The following CYP4V2 variants were observed in gnomAD, a reference collection of about 807,000 sequenced individuals.
The protein encoded by CYP4V2 is cytochrome P450 4V2.
CYP4V2 carries 55 observed loss-of-function variants against 60.8 expected under a neutral mutation model. The observed-to-expected ratio is 0.90, with a 90% CI of 0.73 to 1.13. CYP4V2 has a LOEUF of 1.13. CYP4V2 is among the 50% of genes most tolerant of loss of function. CYP4V2 has a pLI of 0.00. For missense variants in CYP4V2, 675 were observed against 662.9 expected (o/e 1.02, Z -0.20); for synonymous variants, 239 against 236.8 (o/e 1.01, Z -0.08).
In CYP4V2 at chr4:186,197,016, GATATC is replaced by G; in HGVS notation, c.493_497del (p.Ile165GlufsTer2). 6.2e-7 allele frequency: 1 copy of G among 1,613,820 alleles called. No individual in the cohort carries two copies. The highest frequency in any genetic ancestry group is 8.5e-7 in the Non-Finnish European group (1 of 1,180,026). ...TTTTACCATTCTGGAAGATTTCTTA[GATATC>G]ATGAATGAACAAGCAAATATATTGG... On this transcript the variant is annotated frameshift_variant, in exon 4 of 11. Coordinates refer to ENST00000378802, the MANE Select transcript of CYP4V2 (RefSeq NM_207352.4). LOFTEE classifies it high-confidence loss of function.
intron 2 of CYP4V2, 30 bp downstream of exon 2, chr4:186,194,642 T>C (rs763283418): frequency 9.6e-6 from 15 of 1,556,664 alleles, no homozygotes; most frequent in Middle Eastern, 1.7e-4. Context: ...ATCAGTATTG[T>C]ACTGTGTATC....
chr4:186,191,778 G>A lies in CYP4V2; in HGVS notation c.-46G>A, dbSNP rs750903480. On this transcript the variant is annotated 5_prime_UTR_variant, in exon 1 of 11. Coordinates refer to ENST00000378802, the MANE Select transcript of CYP4V2 (RefSeq NM_207352.4). Reference sequence around the variant, plus strand: ...CACCGCCTCGCACCACGCCCCCGCGGGCCCGCACTTTCCCGGAGTGCACCC... The same window carrying A: ...CACCGCCTCGCACCACGCCCCCGCGAGCCCGCACTTTCCCGGAGTGCACCC... The A allele has an allele frequency of 2.6e-5, 38 of 1,449,752 alleles. No homozygotes were observed. The highest frequency in any genetic ancestry group is 3.3e-5 in the Non-Finnish European group (36 of 1,106,512). The allele number at this position is 1,449,752 out of a possible 1,614,324, so 89.8% of individuals were successfully genotyped here. A position where few individuals can be genotyped will look rare whatever the true frequency, so the allele number is the denominator to read the frequency against.
In CYP4V2 at chr4:186,191,829, G is replaced by C; in HGVS notation, c.6G>C (p.Ala2=). ...CGCGGCCGCCAGCCGGGGCGATGGCGGGGCTCTGGCTGGGGCTCGTGTGGC... is the reference window on the plus strand; with the variant it reads ...CGCGGCCGCCAGCCGGGGCGATGGCCGGGCTCTGGCTGGGGCTCGTGTGGC... M[A]GLWLGLVWQK... The change falls in exon 1 of 11, where the codon GCG becomes GCC. Residue 2 remains alanine, a synonymous_variant. Coordinates refer to ENST00000378802, the MANE Select transcript of CYP4V2 (RefSeq NM_207352.4). 1 of 1,562,766 alleles carries C rather than the reference G, an allele frequency of 6.4e-7. No individual in the cohort carries two copies. The highest frequency in any genetic ancestry group is 8.6e-7 in the Non-Finnish European group (1 of 1,160,672).
chr4:186,208,343 C>G (rs1014037858), intron 8 of CYP4V2, among the ~76,000 whole-genome samples: 1 of 151,662 alleles, frequency 6.6e-6, no homozygotes, highest in Non-Finnish European at 1.5e-5. Context: ...TACCTTGATC[C>G]ACGTGTTCTT....
At chr4:186,208,838 G>T (rs761463976) in intron 8 of CYP4V2, 27 bp from the exon 9 acceptor site, 4 of 1,614,020 alleles carry the variant, frequency 2.5e-6, no homozygotes, top group Non-Finnish European at 3.4e-6. Context: ...GCTCTTTCAG[G>T]TCATCTTATC....
In CYP4V2 at chr4:186,213,147, A is replaced by G. The variant is rs780547431; in HGVS notation, c.*2506A>G. 1 of 152,182 alleles carries G rather than the reference A, an allele frequency of 6.6e-6. No individual in the cohort carries two copies. Among genetic ancestry groups the G allele is most frequent in the Non-Finnish European group, 1.5e-5 (1 of 68,032 alleles). The allele number at this position is 152,182 out of a possible 1,614,324, so 9.4% of individuals were successfully genotyped here. On this transcript the variant is annotated 3_prime_UTR_variant, in exon 11 of 11. Coordinates refer to ENST00000378802, the MANE Select transcript of CYP4V2 (RefSeq NM_207352.4). ...CTTGAGAATGTCTTTCAGCTCCAGAATTATTGTTACTCATATTTTAATCAG... is the reference window on the plus strand; with the variant it reads ...CTTGAGAATGTCTTTCAGCTCCAGAGTTATTGTTACTCATATTTTAATCAG...
In CYP4V2 at chr4:186,210,837, T is replaced by TTC. The variant is rs1736695434; in HGVS notation, c.*197_*198insCT. Reference sequence around the variant, plus strand: ...TTGTATTTTCTTTTTTCTTTTTTCTTTATTTTTTTTTTTTGAAACCGTGTC... The same window carrying TTC: ...TTGTATTTTCTTTTTTCTTTTTTCTTTCTATTTTTTTTTTTTGAAACCGTGTC... On this transcript the variant is annotated 3_prime_UTR_variant, in exon 11 of 11. Transcript: ENST00000378802. 7 of 679,680 alleles carry TTC rather than the reference T, an allele frequency of 1.0e-5. No individual in the cohort carries two copies. The highest frequency in any genetic ancestry group is 1.7e-5 in the Non-Finnish European group (7 of 423,224). The allele number at this position is 679,680 out of a possible 1,614,324, so 42.1% of individuals were successfully genotyped here. A position where few individuals can be genotyped will look rare whatever the true frequency, so the allele number is the denominator to read the frequency against.
At chr4:186,210,171 G>C (rs1736660344) in intron 10 of CYP4V2, among the ~76,000 whole-genome samples, 1 of 152,190 alleles carries the variant, frequency 6.6e-6, no homozygotes, top group South Asian at 2.1e-4. Flanking sequence ...CATAGTAAAT[G>C]AAAGACCCAC....
chr4:186,196,145 C>T, intron 3 of CYP4V2, 57 bp downstream of exon 3: 2 of 1,407,080 alleles, frequency 1.4e-6, no homozygotes, highest in Middle Eastern at 1.8e-4. Context: ...CTACGTGCAA[C>T]TTGTTATTTC....
chr4:186,202,787 C>T (rs6810892), intron 7 of CYP4V2: 53,978 of 151,626 alleles, frequency 0.36, 9,947 homozygotes, highest in Non-Finnish European at 0.41. Context: ...TATCCACATG[C>T]GCACACACGT....
rs1189711581 is a variant in CYP4V2 at position 186,195,581 on chromosome 4, G to C, written c.328-422G>C. 6.6e-6 allele frequency among the ~76,000 whole-genome samples: 1 copy of C among 152,148 alleles called. No individual in the cohort carries two copies. Among genetic ancestry groups the C allele is most frequent in the African/African-American group, 2.4e-5 (1 of 41,432 alleles). ...CTCCAGCTCAGGCCTTATCTTGGCT[G>C]TCTCACTTGCTTTCAGACCACAGCA... On this transcript the variant is annotated intron_variant, in intron 2 of 10. Coordinates refer to ENST00000378802, the MANE Select transcript of CYP4V2 (RefSeq NM_207352.4). This position sits in a 1 kb window ranked among gnomAD's most constrained non-coding sequence, Gnocchi z 4.1.
intron 7 of CYP4V2, chr4:186,204,982 G>C: frequency 1.6e-6 from 1 of 608,514 alleles, no homozygotes; most frequent in Non-Finnish European, 3.0e-6. Context: ...GTGCAACACC[G>C]TGCGGCGTGG....
At position 186,208,845 on chromosome 4, in the gene CYP4V2, T is replaced by G. The variant is rs773179019; in HGVS notation, c.1091-20T>G. On this transcript the variant is annotated intron_variant, in intron 8 of 10. Coordinates refer to ENST00000378802, the MANE Select transcript of CYP4V2 (RefSeq NM_207352.4). ...CCCCCACTGCTCTTTCAGGTCATCTTATCTACTTGCTTTCATCAGGGAAGT... is the reference window on the plus strand; with the variant it reads ...CCCCCACTGCTCTTTCAGGTCATCTGATCTACTTGCTTTCATCAGGGAAGT... The G allele has an allele frequency of 1.2e-5, 20 of 1,614,226 alleles. No homozygotes were observed. The East Asian group carries it at 3.6e-4, about 29-fold the overall frequency.
chr4:186,207,998 G>A (rs1407833037), intron 8 of CYP4V2, among the ~76,000 whole-genome samples: 2 of 152,128 alleles, frequency 1.3e-5, no homozygotes, highest in African/African-American at 4.8e-5. Context: ...AGCATCCCCT[G>A]CCTTGATCCA....
In CYP4V2 at chr4:186,205,303, G is replaced by C. The variant is rs767672555; in HGVS notation, c.1090+1G>C. 3 of 1,614,010 alleles carry C rather than the reference G, an allele frequency of 1.9e-6. No individual in the cohort carries two copies. Among genetic ancestry groups the C allele is most frequent in the Non-Finnish European group, 2.5e-6 (3 of 1,179,838 alleles). On this transcript the variant is annotated splice_donor_variant, in intron 8 of 10. Transcript: ENST00000378802. LOFTEE classifies it high-confidence loss of function. ...GATCATGAATTGGATGACGTGTTTG[G>C]TATGTTTGGCCCCTTCACTGGTTAT...
rs553693190 is a variant in CYP4V2 at position 186,196,367 on chromosome 4, G to A, written c.413+279G>A. On this transcript the variant is annotated intron_variant, in intron 3 of 10. Coordinates refer to ENST00000378802, the MANE Select transcript of CYP4V2 (RefSeq NM_207352.4). ...GAGGTCCTGATGGACGGGAGTGGAC[G>A]GGATGGAGGACACAGTAAAGCAAAG... The A allele has an allele frequency of 6.1e-5, 29 of 473,554 alleles. No homozygotes were observed. In the Admixed American group the frequency reaches 7.3e-4, roughly 12 times the overall value. The allele number at this position is 473,554 out of a possible 1,614,324, so 29.3% of individuals were successfully genotyped here.
chr4:186,192,915 TTAA>T (rs5864974), intron 1 of CYP4V2, among the ~76,000 whole-genome samples: 52,210 of 151,772 alleles, frequency 0.34, 10,988 homozygotes, highest in Non-Finnish European at 0.48. Flanking sequence ...AGGCTGAGCA[TTAA>T]CTAACTCCAA....
At position 186,199,018 on chromosome 4, in the gene CYP4V2, C is replaced by G. The variant is rs531538384; in HGVS notation, c.736C>G (p.Leu246Val). ...MPWLWLDLWY[L>V]MFKEGWEHKK... Reference sequence around the variant, plus strand: ...CTGGCTTTGGCTTGATCTCTGGTACCTTATGTTTAAAGAAGGATGGGAACA... The same window carrying G: ...CTGGCTTTGGCTTGATCTCTGGTACGTTATGTTTAAAGAAGGATGGGAACA... Residue 246 changes from leucine (L) to valine (V), a missense_variant, in exon 6 of 11, where the codon CTT (leucine) becomes GTT (valine). Physicochemically the swap from Leu to Val is conservative, Grantham distance 32 (BLOSUM62 1). Transcript: ENST00000378802. 47 of 1,614,040 alleles carry G rather than the reference C, an allele frequency of 2.9e-5. 1 individual carries two copies. In the South Asian group the frequency reaches 4.3e-4, roughly 15 times the overall value.
intron 8 of CYP4V2, among the ~76,000 whole-genome samples, chr4:186,207,158 C>T (rs1402583554): frequency 6.6e-6 from 1 of 151,954 alleles, no homozygotes; most frequent in Non-Finnish European, 1.5e-5. Context: ...CCTGTAATCC[C>T]AGCACTTTGG....
Sources: allele counts gnomAD v4.1 joint callset (sites outside exome capture counted in the v4.1 genomes callset), GRCh38; gene constraint gnomAD v4.1.1; non-coding constraint Gnocchi (gnomAD v3.1); transcripts MANE v1.5; gene names NCBI Gene and HGNC (gene_info 2026-07-23, HGNC 2026-07-21).